The following EPN2 variants were observed in gnomAD, a reference collection of about 807,000 sequenced individuals.
EPN2 encodes epsin-2.
EPN2 carries 34 observed loss-of-function variants against 61.7 expected under a neutral mutation model. That is an observed-to-expected ratio of 0.55 (90% CI 0.42 to 0.73). EPN2 has a LOEUF of 0.73. EPN2 is among the 30% of genes least tolerant of loss of function. The probability of loss-of-function intolerance (pLI) is 0.00; values close to 1 mark genes in which losing one functional copy is unlikely to be tolerated. For missense variants in EPN2, 714 were observed against 839.2 expected, an observed-to-expected ratio of 0.85 and a Z score of 1.84; for synonymous variants, 349 against 353.6, an observed-to-expected ratio of 0.99 and a Z score of 0.15.
intron 1 of EPN2, among the ~76,000 whole-genome samples, chr17:19,261,736 C>T (rs948404742): frequency 6.6e-6 from 1 of 152,222 alleles, no homozygotes; most frequent in South Asian, 2.1e-4. Context: ...GATGTGAGAA[C>T]AGCCAACCCT....
At chr17:19,247,974 C>T (rs2044971308) in intron 1 of EPN2, among the ~76,000 whole-genome samples, 1 of 152,112 alleles carries the variant, frequency 6.6e-6, no homozygotes, top group Non-Finnish European at 1.5e-5. Flanking sequence ...CATGATGGGG[C>T]CCTACCCCAG....
At position 19,283,238 on chromosome 17, in the gene EPN2, T is replaced by C; in HGVS notation, c.119T>C (p.Met40Thr). 1 of 1,614,148 alleles carries C rather than the reference T, an allele frequency of 6.2e-7. No homozygotes were observed. The highest frequency in any genetic ancestry group is 8.5e-7 in the Non-Finnish European group (1 of 1,180,028). ...CCGTGGGGCCCGTCCAGTTCTCTGA[T>C]GACCGAGATTGCCGACCTGACCTAC... ...NDPWGPSSSL[M>T]TEIADLTYNV... The change falls in exon 3 of 11, where the codon ATG becomes ACG. Residue 40 changes from methionine (M) to threonine (T), a missense_variant. This residue lies in a region of EPN2 where 304 missense variants were observed against 417.4 expected (regional missense o/e 0.73). Transcript: ENST00000314728. The surrounding 1 kb of genome is among the most constrained non-coding windows in gnomAD (Gnocchi z 7.0).
At chr17:19,279,220 G>A (rs1369318718) in intron 1 of EPN2, among the ~76,000 whole-genome samples, 3 of 152,158 alleles carry the variant, frequency 2.0e-5, no homozygotes, top group Admixed American at 6.5e-5. Context: ...TTATGTCTGG[G>A]AGGGCAGCGG....
intron 9 of EPN2, among the ~76,000 whole-genome samples, chr17:19,330,908 G>A (rs531877311): frequency 2.6e-5 from 4 of 152,282 alleles, no homozygotes; most frequent in East Asian, 3.9e-4. Flanking sequence ...AGGCTAAGGC[G>A]GGAGGATCCC....
chr17:19,249,185 C>T (rs1266714052), intron 1 of EPN2, among the ~76,000 whole-genome samples: 2 of 152,180 alleles, frequency 1.3e-5, no homozygotes, highest in Non-Finnish European at 2.9e-5. Flanking sequence ...ATCAGAGCAT[C>T]TCTGTGCTGG....
At chr17:19,264,651 A>G (rs1247730666) in intron 1 of EPN2, among the ~76,000 whole-genome samples, 1 of 152,154 alleles carries the variant, frequency 6.6e-6, no homozygotes, top group Non-Finnish European at 1.5e-5. Context: ...GCCATGTTTT[A>G]TGTTCAGTGA....
intron 1 of EPN2, among the ~76,000 whole-genome samples, chr17:19,269,409 A>G (rs1475766104): frequency 6.6e-6 from 1 of 152,240 alleles, no homozygotes; most frequent in Non-Finnish European, 1.5e-5. Flanking sequence ...GACAACAGCT[A>G]TTTCAAAGGA....
intron 1 of EPN2, among the ~76,000 whole-genome samples, chr17:19,267,952 A>G (rs1329401039): frequency 6.6e-6 from 1 of 152,150 alleles, no homozygotes; most frequent in Non-Finnish European, 1.5e-5. Flanking sequence ...AGATGGCAAA[A>G]ATCTTGAAGG....
chr17:19,238,038 T>G (rs1215912546), intron 1 of EPN2, among the ~76,000 whole-genome samples: 1 of 152,034 alleles, frequency 6.6e-6, no homozygotes, highest in Non-Finnish European at 1.5e-5. Flanking sequence ...CTTATCTCTG[T>G]CCGGGATCCC....
chr17:19,283,437 G>A lies in EPN2; in HGVS notation c.318G>A (p.Leu106=), dbSNP rs1291481872. The A allele has an allele frequency of 1.5e-5, 24 of 1,614,080 alleles. No individual in the cohort carries two copies. Among genetic ancestry groups the A allele is most frequent in the Non-Finnish European group, 1.9e-5 (23 of 1,180,048 alleles). Reference sequence around the variant, plus strand: ...AGAACATCTTCGCCATCCAGACCCTGAAGGACTTCCAGTACATTGACCGAG... The same window carrying A: ...AGAACATCTTCGCCATCCAGACCCTAAAGGACTTCCAGTACATTGACCGAG... ...CRENIFAIQT[L]KDFQYIDRDG... Residue 106 remains leucine (L), a synonymous_variant, in exon 3 of 11, where the codon CTG becomes CTA. Transcript: ENST00000314728. The surrounding 1 kb of genome is among the most constrained non-coding windows in gnomAD (Gnocchi z 7.0).
chr17:19,332,445 G>A (rs796175095), intron 10 of EPN2, among the ~76,000 whole-genome samples: 1 of 152,070 alleles, frequency 6.6e-6, no homozygotes, highest in South Asian at 2.1e-4. Flanking sequence ...CCTCTCTCGG[G>A]AAAAATGTAA....
At chr17:19,294,254 C>CAA (rs35174163) in intron 4 of EPN2, among the ~76,000 whole-genome samples, 38,208 of 144,488 alleles carry the variant, frequency 0.26, 7,345 homozygotes, top group East Asian at 0.7. Context: ...CCCATCGCTA[C>CAA]AAAAAAAAAA....
intron 1 of EPN2, among the ~76,000 whole-genome samples, chr17:19,278,029 A>C (rs971651496): frequency 6.7e-6 from 1 of 149,662 alleles, no homozygotes; most frequent in Non-Finnish European, 1.5e-5. Flanking sequence ...AGCCGAGATC[A>C]CACCACTGCA....
chr17:19,249,012 A>T (rs1447563265), intron 1 of EPN2, among the ~76,000 whole-genome samples: 1 of 152,224 alleles, frequency 6.6e-6, no homozygotes, highest in Non-Finnish European at 1.5e-5. Flanking sequence ...AGGAGGGCGC[A>T]GAGGAGGAAG....
At position 19,313,152 on chromosome 17, in the gene EPN2, T is replaced by A. The variant is rs774036660; in HGVS notation, c.1020T>A (p.Ala340=). The part of the protein sequence containing the change: ...QQTTLLDLMD[A]LPSSGPAAQK... Reference sequence around the variant, plus strand: ...CTACGCTGTTGGATTTAATGGATGCTCTCCCCAGCTCGGGCCCCGCGGCCC... The same window carrying A: ...CTACGCTGTTGGATTTAATGGATGCACTCCCCAGCTCGGGCCCCGCGGCCC... Residue 340 remains alanine (A), a synonymous_variant, in exon 7 of 11, where the codon GCT becomes GCA. Transcript: ENST00000314728. 9.9e-6 allele frequency: 16 copies of A among 1,613,596 alleles called. No homozygotes were observed. The highest frequency in any genetic ancestry group is 1.4e-5 in the Non-Finnish European group (16 of 1,179,792).
chr17:19,300,565 AT>A (rs1352094539), intron 4 of EPN2, among the ~76,000 whole-genome samples: 2 of 149,708 alleles, frequency 1.3e-5, no homozygotes, highest in African/African-American at 4.9e-5. Flanking sequence ...AGTAGCTGGG[AT>A]TACAGGCGCC....
chr17:19,313,234 G>A lies in EPN2; in HGVS notation c.1102G>A (p.Gly368Arg), dbSNP rs1159468273. 8 of 1,591,048 alleles carry A rather than the reference G, an allele frequency of 5.0e-6. No individual in the cohort carries two copies. The highest frequency in any genetic ancestry group is 2.3e-5 in the East Asian group (1 of 44,156). Residue 368 changes from glycine (G) to arginine (R), a missense_variant, in exon 7 of 11, where the codon GGG (glycine) becomes AGG (arginine). Coordinates refer to ENST00000314728, the MANE Select transcript of EPN2 (RefSeq NM_014964.5). ...ASTNQTNPWG[G>R]PAAPASTSDP... Reference sequence around the variant, plus strand: ...CACTAACCAGACCAACCCCTGGGGCGGGCCAGCGGCTCCTGCGAGTACTTC... The same window carrying A: ...CACTAACCAGACCAACCCCTGGGGCAGGCCAGCGGCTCCTGCGAGTACTTC...
At position 19,313,125 on chromosome 17, in the gene EPN2, GACT is replaced by G; in HGVS notation, c.996_998del (p.Thr333del). ...AAAAGCATGGCTCTCTCCCACAGCA[GACT>G]ACGCTGTTGGATTTAATGGATGCTC... is the stretch of plus-strand genomic sequence containing the variant. On this transcript the variant is annotated inframe_deletion, in exon 7 of 11. Transcript: ENST00000314728. 1 of 1,613,890 alleles carries G rather than the reference GACT, an allele frequency of 6.2e-7. No homozygotes were observed. The highest frequency in any genetic ancestry group is 8.5e-7 in the Non-Finnish European group (1 of 1,179,882).
chr17:19,326,513 C>A (rs1258445257), intron 7 of EPN2, among the ~76,000 whole-genome samples: 1 of 151,872 alleles, frequency 6.6e-6, no homozygotes, highest in Admixed American at 6.6e-5. Flanking sequence ...GGTGAAACCC[C>A]GTCTCTCCTA....
Sources: gnomAD v4.1 joint callset for allele counts (sites outside exome capture counted in the v4.1 genomes callset) on GRCh38, gnomAD v4.1.1 for gene constraint, gnomAD v4.1.1 regional missense constraint, Gnocchi (gnomAD v3.1) non-coding constraint, MANE v1.5 for transcripts, NCBI Gene and HGNC (gene_info 2026-07-23, HGNC 2026-07-21) for gene names.